Variants in ZYG11A observed in about 807,000 individuals in gnomAD.
ZYG11A encodes the protein zyg-11 family member A, cell cycle regulator, also known as protein zyg-11 homolog A.
ZYG11A carries 62 observed loss-of-function variants against 77.2 expected under a neutral mutation model. The observed-to-expected ratio is 0.80, with a 90% CI of 0.65 to 0.99. The LOEUF is 0.99. Ranked by LOEUF, ZYG11A falls within the 50% of genes least tolerant of loss-of-function variation. ZYG11A has a pLI of 0.00. For synonymous variants in ZYG11A, 315 were observed against 324.6 expected, an observed-to-expected ratio of 0.97 and a Z score of 0.32; for missense variants, 828 against 896.8, an observed-to-expected ratio of 0.92 and a Z score of 0.98.
intron 3 of ZYG11A, among the ~76,000 whole-genome samples, chr1:52,860,283 A>G (rs1645902576): frequency 6.6e-6 from 1 of 152,082 alleles, no homozygotes; most frequent in Middle Eastern, 3.2e-3. Context: ...CCTGGGCTCA[A>G]GCAACCCTTG....
intron 11 of ZYG11A, 78 bp downstream of exon 11, chr1:52,881,743 AAT>A: frequency 8.6e-7 from 1 of 1,158,602 alleles, no homozygotes; most frequent in East Asian, 2.6e-5. Context: ...AAATCATAAT[AAT>A]ATGATTGTAG....
intron 1 of ZYG11A, among the ~76,000 whole-genome samples, chr1:52,851,200 C>T (rs1645703920): frequency 6.6e-6 from 1 of 151,848 alleles, no homozygotes; most frequent in Admixed American, 6.6e-5. Flanking sequence ...CACCCTACCA[C>T]ATCTGGCTAA....
At chr1:52,874,789 C>A (rs1392103190) in intron 8 of ZYG11A, among the ~76,000 whole-genome samples, 2 of 152,116 alleles carry the variant, frequency 1.3e-5, no homozygotes, top group African/African-American at 4.8e-5. Context: ...ATCCCTTGAA[C>A]CCGGGAGGTG....
intron 1 of ZYG11A, among the ~76,000 whole-genome samples, chr1:52,853,969 A>G (rs2149991544): frequency 6.6e-6 from 1 of 152,328 alleles, no homozygotes; most frequent in South Asian, 2.1e-4. Flanking sequence ...CTACGGGTTC[A>G]GTATATGTGA....
intron 2 of ZYG11A, 72 bp from the exon 3 acceptor site, chr1:52,856,926 C>A (rs2149994490): frequency 7.0e-7 from 1 of 1,428,950 alleles, no homozygotes; most frequent in South Asian, 1.5e-5. Flanking sequence ...TGTCTTAATT[C>A]TTTGCCACAT....
intron 5 of ZYG11A, among the ~76,000 whole-genome samples, chr1:52,866,027 T>C (rs535865494): frequency 7.0e-6 from 1 of 142,716 alleles, no homozygotes; most frequent in African/African-American, 2.6e-5. Flanking sequence ...AAGCTCCGCC[T>C]CCCGGGTTCA....
chr1:52,872,882 C>CA lies in ZYG11A; in HGVS notation c.1543-4783dup, dbSNP rs59422649. Among the ~76,000 whole-genome samples, 187 of 112,072 alleles carry CA rather than the reference C, an allele frequency of 1.7e-3. 1 individual carries two copies. Among genetic ancestry groups the CA allele is most frequent in the East Asian group, 6.6e-3 (18 of 2,746 alleles). 73.5% of individuals were successfully genotyped at this position (112,072 alleles called of 152,430 possible). A position where few individuals can be genotyped will look rare whatever the true frequency, so the allele number is the denominator to read the frequency against. ...TGGATGACAGAGTGAGACTCTGTCT[C>CA]AAAAAAAAAAAAAAAAAGAAAAGAA... On this transcript the variant is annotated intron_variant, in intron 8 of 13. Coordinates refer to ENST00000371528, the MANE Select transcript of ZYG11A (RefSeq NM_001004339.3).
At position 52,886,974 on chromosome 1, in the gene ZYG11A, C is replaced by T. The variant is rs1304022417; in HGVS notation, c.2025C>T (p.Phe675=). ...LVTYRSFKTF[F]PLLGNFSQPE... ...GTTTTAGATCTTTCAAGACATTTTT[C>T]CCGCTCCTTGGCAACTTCTCTCAAC... is the stretch of plus-strand genomic sequence containing the variant. Residue 675 remains phenylalanine (F), a synonymous_variant, in exon 13 of 14, where the codon TTC becomes TTT. Coordinates refer to ENST00000371528, the MANE Select transcript of ZYG11A (RefSeq NM_001004339.3). The T allele has an allele frequency of 7.7e-6, 12 of 1,548,636 alleles. No homozygotes were observed. The highest frequency in any genetic ancestry group is 3.6e-5 in the South Asian group (3 of 83,922).
chr1:52,893,238 T>C lies in ZYG11A; in HGVS notation c.*281T>C. 1 of 317,320 alleles carries C rather than the reference T, an allele frequency of 3.2e-6. No homozygotes were observed. Among genetic ancestry groups the C allele is most frequent in the African/African-American group, 2.1e-5 (1 of 47,772 alleles). The allele number at this position is 317,320 out of a possible 1,614,324, so 19.7% of individuals were successfully genotyped here. A position where few individuals can be genotyped will look rare whatever the true frequency, so the allele number is the denominator to read the frequency against. On this transcript the variant is annotated 3_prime_UTR_variant, in exon 14 of 14. Coordinates refer to ENST00000371528, the MANE Select transcript of ZYG11A (RefSeq NM_001004339.3). ...TGTTGGAACAGCTATGCAAGTTACT[T>C]TTCTCTAGCCTTGGACAATTTTTTC...
intron 8 of ZYG11A, among the ~76,000 whole-genome samples, chr1:52,868,971 G>T (rs1190255098): frequency 6.6e-6 from 1 of 152,196 alleles, no homozygotes; most frequent in Non-Finnish European, 1.5e-5. Context: ...AAAAAGCTGG[G>T]ATTACAGGCA....
In ZYG11A at chr1:52,877,943, A is replaced by G. The variant is rs1175785300; in HGVS notation, c.1723A>G (p.Ile575Val). The change falls in exon 10 of 14, where the codon ATA becomes GTA. Residue 575 changes from isoleucine to valine, a missense_variant. Physicochemically the swap from Ile to Val is conservative, Grantham distance 29. Coordinates refer to ENST00000371528, the MANE Select transcript of ZYG11A (RefSeq NM_001004339.3). Reference protein sequence around the residue: ...QVLETFSESAIQSKVLGLLNN... With the variant: ...QVLETFSESAVQSKVLGLLNN... ...TTGACAGACCTTTTCAGAGTCAGCA[A>G]TACAAAGCAAAGTACTTGGTCTTTT... 2 of 1,551,568 alleles carry G rather than the reference A, an allele frequency of 1.3e-6. No homozygotes were observed. The highest frequency in any genetic ancestry group is 1.7e-6 in the Non-Finnish European group (2 of 1,146,996).
At chr1:52,851,462 A>G (rs1645708982) in intron 1 of ZYG11A, among the ~76,000 whole-genome samples, 1 of 151,952 alleles carries the variant, frequency 6.6e-6, no homozygotes, top group Non-Finnish European at 1.5e-5. Context: ...TAGTGGCGCG[A>G]TCTGGGCTCA....
intron 2 of ZYG11A, among the ~76,000 whole-genome samples, chr1:52,855,171 G>T (rs1571840399): frequency 6.6e-6 from 1 of 150,552 alleles, no homozygotes; most frequent in African/African-American, 2.4e-5. Context: ...CTGCTCTCTA[G>T]CTTTTTCAAA....
intron 10 of ZYG11A, among the ~76,000 whole-genome samples, chr1:52,881,010 A>G (rs1020621819): frequency 1.3e-5 from 2 of 152,272 alleles, no homozygotes; most frequent in African/African-American, 4.8e-5. Context: ...AGTGTAACAT[A>G]TAAAATAAAA....
intron 8 of ZYG11A, among the ~76,000 whole-genome samples, chr1:52,875,651 TGA>T (rs1646247747): frequency 7.2e-6 from 1 of 139,700 alleles, no homozygotes; most frequent in African/African-American, 2.7e-5. Flanking sequence ...ATGAGGGGAG[TGA>T]GAAGATGGTG....
chr1:52,878,987 A>C (rs1646314777), intron 10 of ZYG11A, among the ~76,000 whole-genome samples: 1 of 150,114 alleles, frequency 6.7e-6, no homozygotes, highest in Non-Finnish European at 1.5e-5. Flanking sequence ...AAACCAAAAA[A>C]CTCAAACTCA....
In ZYG11A at chr1:52,842,887, G is replaced by A; in HGVS notation, c.4G>A (p.Val2Ile). ...ACGCCCCGCCGCCGGGGTTGCCATGGTTCATTTCTTGCACCCGGGCCACAC... is the reference window on the plus strand; with the variant it reads ...ACGCCCCGCCGCCGGGGTTGCCATGATTCATTTCTTGCACCCGGGCCACAC... Reference protein sequence around the residue: MVHFLHPGHTPR... With the variant: MIHFLHPGHTPR... Residue 2 changes from valine (V) to isoleucine (I), a missense_variant, in exon 1 of 14, where the codon GTT (valine) becomes ATT (isoleucine). By Grantham distance (29) the Val-to-Ile change is conservative. Coordinates refer to ENST00000371528, the MANE Select transcript of ZYG11A (RefSeq NM_001004339.3). 6.5e-7 allele frequency: 1 copy of A among 1,532,312 alleles called. No homozygotes were observed. The highest frequency in any genetic ancestry group is 1.2e-5 in the South Asian group (1 of 81,776). The allele number at this position is 1,532,312 out of a possible 1,614,324, so 94.9% of individuals were successfully genotyped here.
chr1:52,848,083 A>G (rs550693804), intron 1 of ZYG11A, among the ~76,000 whole-genome samples: 31 of 151,766 alleles, frequency 2.0e-4, no homozygotes, highest in Non-Finnish European at 1.2e-4. Flanking sequence ...GTTAGCCAGG[A>G]TGGTCTCAAT....
chr1:52,894,101 G>C lies in ZYG11A; in HGVS notation c.*1144G>C, dbSNP rs1024168868. On this transcript the variant is annotated 3_prime_UTR_variant, in exon 14 of 14. Transcript: ENST00000371528. ...GCTGGGATTACAGGTGTGAGTCACTGCACCTGGCCTTTTTACAATTTTGGG... is the reference window on the plus strand; with the variant it reads ...GCTGGGATTACAGGTGTGAGTCACTCCACCTGGCCTTTTTACAATTTTGGG... The C allele has an allele frequency of 2.6e-5, 4 of 152,156 alleles. No individual in the cohort carries two copies. Among genetic ancestry groups the C allele is most frequent in the African/African-American group, 7.2e-5 (3 of 41,410 alleles). 9.4% of individuals were successfully genotyped at this position (152,156 alleles called of 1,614,324 possible).
Sources: allele counts gnomAD v4.1 joint callset (sites outside exome capture counted in the v4.1 genomes callset), GRCh38; gene constraint gnomAD v4.1.1; transcripts MANE v1.5; gene names NCBI Gene and HGNC (gene_info 2026-07-23, HGNC 2026-07-21).